ARHGAP17: variants seen among roughly 807,000 people sequenced by gnomAD.
The protein encoded by ARHGAP17 is Rho GTPase activating protein 17.
Under a neutral mutation model 99.5 loss-of-function variants are expected in ARHGAP17, and 57 were observed. The ratio of observed to expected loss-of-function variants is 0.57; its 90% confidence interval spans 0.46 to 0.71. The LOEUF is 0.71. Among genes scored for constraint, ARHGAP17 ranks in the 30% least tolerant of loss-of-function variants. The pLI is 0.00. For missense variants in ARHGAP17, 1,000 were observed against 1,122.4 expected (o/e 0.89, Z 1.56); for synonymous variants, 417 against 429.6 (o/e 0.97, Z 0.36).
intron 3 of ARHGAP17, among the ~76,000 whole-genome samples, chr16:24,974,017 T>C (rs893815224): frequency 6.6e-6 from 1 of 152,198 alleles, no homozygotes; most frequent in Non-Finnish European, 1.5e-5. Flanking sequence ...AGGGCTTAAG[T>C]CATCTAAAGA....
chr16:24,954,480 A>G (rs2051744061), intron 10 of ARHGAP17, 123 bp downstream of exon 10: 1 of 1,381,262 alleles, frequency 7.2e-7, no homozygotes, highest in African/African-American at 1.4e-5. Context: ...ACTGTTCTAC[A>G]CAAAACGGAC....
chr16:24,959,302 T>C (rs562207489), intron 9 of ARHGAP17, among the ~76,000 whole-genome samples: 1 of 152,270 alleles, frequency 6.6e-6, no homozygotes, highest in East Asian at 1.9e-4. Context: ...ATGGATGCTC[T>C]TGGAGTCACA....
chr16:24,953,170 G>A, intron 10 of ARHGAP17, 128 bp from the exon 11 acceptor site: 1 of 767,110 alleles, frequency 1.3e-6, no homozygotes, highest in South Asian at 1.7e-5. Flanking sequence ...GTTACTGCCT[G>A]CCCTGCAGGG....
intron 3 of ARHGAP17, among the ~76,000 whole-genome samples, chr16:24,971,105 A>G (rs1411265954): frequency 6.6e-6 from 1 of 152,194 alleles, no homozygotes; most frequent in Non-Finnish European, 1.5e-5. Context: ...CCTGAGTTCA[A>G]GTGATCTGCA....
chr16:24,921,167 C>G (rs2050710351), intron 19 of ARHGAP17, among the ~76,000 whole-genome samples: 1 of 152,196 alleles, frequency 6.6e-6, no homozygotes, highest in Admixed American at 6.5e-5. Context: ...CAGCACTGAA[C>G]AAGACAGGCA....
At position 24,942,153 on chromosome 16, in the gene ARHGAP17, G is replaced by A. The variant is rs752970235; in HGVS notation, c.1334-10C>T. ...ACATTAAATTCCACCTCTGCAAGAG[G>A]AAAAATAAACAAGTGCATGAGACAC... On this transcript the variant is annotated splice_polypyrimidine_tract_variant and intron_variant, in intron 15 of 19. Coordinates refer to ENST00000289968, the MANE Select transcript of ARHGAP17 (RefSeq NM_001006634.3). 40 of 1,601,156 alleles carry A rather than the reference G, an allele frequency of 2.5e-5. No individual in the cohort carries two copies. The highest frequency in any genetic ancestry group is 7.7e-6 in the Non-Finnish European group (9 of 1,173,598).
chr16:24,927,961 C>G (rs1425534505), intron 19 of ARHGAP17, among the ~76,000 whole-genome samples: 2 of 152,104 alleles, frequency 1.3e-5, no homozygotes, highest in Non-Finnish European at 2.9e-5. Context: ...ATAATCTCCC[C>G]CCAAGAGTTT....
intron 17 of ARHGAP17, 37 bp from the exon 18 acceptor site, chr16:24,935,676 TC>T (rs2051121204): frequency 1.2e-6 from 2 of 1,602,090 alleles, no homozygotes; most frequent in African/African-American, 1.3e-5. Context: ...CGTCAGACAA[TC>T]CCAGCTAGAA....
At chr16:24,957,242 G>A (rs1437927924) in intron 9 of ARHGAP17, 3 of 152,392 alleles carry the variant, frequency 2.0e-5, no homozygotes, top group Non-Finnish European at 4.4e-5. Context: ...AGGGACAGTT[G>A]GAGTGGGAAG....
intron 1 of ARHGAP17, among the ~76,000 whole-genome samples, chr16:24,980,887 T>C (rs2052655142): frequency 6.6e-6 from 1 of 152,188 alleles, no homozygotes. Context: ...AATGACTTCC[T>C]TCTGTAAGTA....
chr16:24,970,699 G>C (rs2052337291), intron 3 of ARHGAP17, 119 bp from the exon 4 acceptor site: 2 of 863,676 alleles, frequency 2.3e-6, no homozygotes, highest in Non-Finnish European at 3.8e-6. Context: ...GTAGGAGACA[G>C]CCTGTCTGGG....
At chr16:24,939,308 C>G in intron 17 of ARHGAP17, 56 bp downstream of exon 17, 1 of 1,488,590 alleles carries the variant, frequency 6.7e-7, no homozygotes, top group African/African-American at 1.4e-5. Flanking sequence ...AGGCCACCAC[C>G]TGCAAGAAGG....
At chr16:24,978,866 TAAAA>T (rs56027541) in intron 2 of ARHGAP17, 96 bp downstream of exon 2, 4,087 of 581,976 alleles carry the variant, frequency 7.0e-3, no homozygotes, top group Middle Eastern at 9.8e-3. Flanking sequence ...TGTTTCTGGT[TAAAA>T]AAAAAAAAAA....
chr16:24,983,774 A>G (rs561382088), intron 1 of ARHGAP17, among the ~76,000 whole-genome samples: 3 of 152,244 alleles, frequency 2.0e-5, no homozygotes, highest in East Asian at 3.9e-4. Flanking sequence ...CCCACTCGCC[A>G]TTTTACTCTG....
chr16:24,935,171 G>C (rs1380355393), intron 18 of ARHGAP17, among the ~76,000 whole-genome samples: 1 of 152,110 alleles, frequency 6.6e-6, no homozygotes, highest in African/African-American at 2.4e-5. Context: ...CAGAGGCTGT[G>C]GTAGTCTCCA....
intron 4 of ARHGAP17, among the ~76,000 whole-genome samples, chr16:24,969,662 C>G (rs909225431): frequency 1.3e-5 from 2 of 152,204 alleles, no homozygotes; most frequent in Non-Finnish European, 2.9e-5. Context: ...CGCAGTATCA[C>G]TCTGGTGTGA....
rs1193522045 is a variant in ARHGAP17 at position 24,982,996 on chromosome 16, ATTTTTTTTT to A, written c.54-4000_54-3992del. On this transcript the variant is annotated intron_variant, in intron 1 of 19. Coordinates refer to ENST00000289968, the MANE Select transcript of ARHGAP17 (RefSeq NM_001006634.3). ...TATATATATATATATATATATATATATTTTTTTTTTTTTTTTTTTTTTTTTTGAGACAGG... is the reference window on the plus strand; with the variant it reads ...TATATATATATATATATATATATATATTTTTTTTTTTTTTTTTGAGACAGG... Among the ~76,000 whole-genome samples, 235 of 46,840 alleles carry A rather than the reference ATTTTTTTTT, an allele frequency of 5.0e-3. 1 individual carries two copies. The highest frequency in any genetic ancestry group is 0.011 in the South Asian group (14 of 1,332). The allele number at this position is 46,840 out of a possible 152,430, so 30.7% of individuals were successfully genotyped here.
At chr16:25,014,949 C>A (rs1475769556) in intron 1 of ARHGAP17, among the ~76,000 whole-genome samples, 1 of 152,088 alleles carries the variant, frequency 6.6e-6, no homozygotes, top group Non-Finnish European at 1.5e-5. Context: ...GCAGGGGACC[C>A]CGCGGTGTGG....
intron 19 of ARHGAP17, among the ~76,000 whole-genome samples, chr16:24,923,839 G>C (rs1009819620): frequency 6.6e-6 from 1 of 151,824 alleles, no homozygotes; most frequent in African/African-American, 2.4e-5. Flanking sequence ...TCTGACAAAT[G>C]TAACCCAGGT....
Sources: allele counts gnomAD v4.1 joint callset (sites outside exome capture counted in the v4.1 genomes callset), GRCh38; gene constraint gnomAD v4.1.1; transcripts MANE v1.5; gene names NCBI Gene and HGNC (gene_info 2026-07-23, HGNC 2026-07-21).